Variants in SPIDR observed in about 807,000 individuals in gnomAD.
SPIDR encodes the protein DNA repair-scaffolding protein.
Under a neutral mutation model 104.6 loss-of-function variants are expected in SPIDR, and 93 were observed. That is an observed-to-expected ratio of 0.89 (90% confidence interval 0.75 to 1.06). The LOEUF (loss-of-function observed/expected upper bound fraction) is 1.06. Ranked by LOEUF, SPIDR falls within the 50% of genes least tolerant of loss-of-function variation. The pLI, the probability that SPIDR is intolerant of heterozygous loss-of-function variation, is 0.00. For synonymous variants in SPIDR, 431 were observed against 416.9 expected (o/e 1.03, Z -0.41); for missense variants, 1,154 against 1,111.2 (o/e 1.04, Z -0.55).
chr8:47,277,369 T>C (rs1164210971), intron 1 of SPIDR, among the ~76,000 whole-genome samples: 1 of 126,770 alleles, frequency 7.9e-6, no homozygotes, highest in Non-Finnish European at 1.7e-5. Context: ...TGTTATGTTA[T>C]GTTATGTTAT....
chr8:47,412,228 C>G (rs964293151), intron 7 of SPIDR, among the ~76,000 whole-genome samples: 1 of 152,170 alleles, frequency 6.6e-6, no homozygotes, highest in Admixed American at 6.6e-5. Context: ...GGCATTGAAT[C>G]TATAAATTAC....
chr8:47,268,482 T>A (rs1260385471), intron 1 of SPIDR, among the ~76,000 whole-genome samples: 1 of 152,238 alleles, frequency 6.6e-6, no homozygotes, highest in Non-Finnish European at 1.5e-5. Flanking sequence ...AGATCTTCTT[T>A]AATTTCTATC....
intron 15 of SPIDR, 78 bp downstream of exon 15, chr8:47,712,950 G>A (rs2082087672): frequency 6.3e-7 from 1 of 1,583,222 alleles, no homozygotes; most frequent in African/African-American, 1.3e-5. Flanking sequence ...GCCTCTGGAT[G>A]CCTCCTTGTT....
chr8:47,554,873 T>G (rs1164320237), intron 8 of SPIDR, among the ~76,000 whole-genome samples: 1 of 152,244 alleles, frequency 6.6e-6, no homozygotes, highest in African/African-American at 2.4e-5. Context: ...TCAGCCATCT[T>G]GGAACCTCCT....
At chr8:47,489,624 A>C (rs942851996) in intron 8 of SPIDR, among the ~76,000 whole-genome samples, 1 of 152,210 alleles carries the variant, frequency 6.6e-6, no homozygotes, top group East Asian at 1.9e-4. Context: ...ACAGTAACCA[A>C]AACAGCATGG....
At chr8:47,275,475 T>G (rs1320098107) in intron 1 of SPIDR, among the ~76,000 whole-genome samples, 2 of 152,246 alleles carry the variant, frequency 1.3e-5, no homozygotes, top group Admixed American at 1.3e-4. Context: ...AAGAATAATA[T>G]TTTCCATTCT....
intron 10 of SPIDR, among the ~76,000 whole-genome samples, chr8:47,638,579 G>A (rs889864587): frequency 6.6e-6 from 1 of 152,146 alleles, no homozygotes; most frequent in Non-Finnish European, 1.5e-5. Flanking sequence ...TATAGCCCCA[G>A]GAAAAGATCC....
At chr8:47,583,523 G>T (rs2059959392) in intron 8 of SPIDR, among the ~76,000 whole-genome samples, 2 of 152,114 alleles carry the variant, frequency 1.3e-5, no homozygotes, top group African/African-American at 4.8e-5. Context: ...TAACATTTGT[G>T]ACAATGAGAT....
chr8:47,388,321 A>G (rs782796748), intron 5 of SPIDR: 1 of 154,108 alleles, frequency 6.5e-6, no homozygotes, highest in Non-Finnish European at 1.5e-5. Context: ...ATATTTATTT[A>G]ATATTTTCTC....
intron 5 of SPIDR, among the ~76,000 whole-genome samples, chr8:47,329,145 A>G (rs538364168): frequency 1.3e-5 from 2 of 150,818 alleles, no homozygotes; most frequent in Non-Finnish European, 1.5e-5. Flanking sequence ...ATCTCAGCTC[A>G]CTGCAACCTC....
intron 8 of SPIDR, among the ~76,000 whole-genome samples, chr8:47,502,250 G>A (rs1306232957): frequency 1.3e-5 from 2 of 152,086 alleles, no homozygotes; most frequent in Non-Finnish European, 2.9e-5. Context: ...GATAGAATTC[G>A]GCTGTGAATC....
chr8:47,504,285 A>G (rs531406077), intron 8 of SPIDR, among the ~76,000 whole-genome samples: 15 of 152,180 alleles, frequency 9.9e-5, no homozygotes, highest in African/African-American at 3.6e-4. Context: ...TCAGACATAG[A>G]TTTGGTCTTT....
chr8:47,548,281 G>A (rs779145865), intron 8 of SPIDR, among the ~76,000 whole-genome samples: 3 of 152,194 alleles, frequency 2.0e-5, no homozygotes, highest in Non-Finnish European at 2.9e-5. Context: ...CATATGCAGT[G>A]ATTAAGTCTG....
At chr8:47,674,411 T>G (rs1044027247) in intron 11 of SPIDR, among the ~76,000 whole-genome samples, 5 of 152,204 alleles carry the variant, frequency 3.3e-5, no homozygotes, top group Non-Finnish European at 7.3e-5. Flanking sequence ...CCTAAAATGT[T>G]GTTTTTGATA....
chr8:47,690,981 A>G (rs1167169012), intron 11 of SPIDR, among the ~76,000 whole-genome samples: 2 of 152,094 alleles, frequency 1.3e-5, no homozygotes, highest in Non-Finnish European at 2.9e-5. Context: ...AGTTTCTCCA[A>G]CTAGCTACAA....
intron 10 of SPIDR, 54 bp downstream of exon 10, chr8:47,599,250 T>C: frequency 1.3e-6 from 2 of 1,591,366 alleles, no homozygotes; most frequent in Non-Finnish European, 1.7e-6. Flanking sequence ...TTAGACAGAG[T>C]GCTCTAGAAA....
chr8:47,517,238 G>A lies in SPIDR; in HGVS notation c.1097+76696G>A, dbSNP rs767824577. Among the ~76,000 whole-genome samples the A allele has an allele frequency of 4.6e-5, 7 of 152,112 alleles. No individual in the cohort carries two copies. The East Asian group carries it at 5.8e-4, about 13-fold the overall frequency. On this transcript the variant is annotated intron_variant, in intron 8 of 19. Coordinates refer to ENST00000297423, the MANE Select transcript of SPIDR (RefSeq NM_001080394.4). ...TGACCTCAAGTGATCAACCCGTCTC[G>A]ACCTCCCAAAGTTCTAGGATGACAG...
At chr8:47,325,665 TC>T (rs2047532749) in intron 5 of SPIDR, among the ~76,000 whole-genome samples, 1 of 152,198 alleles carries the variant, frequency 6.6e-6, no homozygotes, top group African/African-American at 2.4e-5. Flanking sequence ...AGACAATCTA[TC>T]CCTTTTTCTG....
intron 10 of SPIDR, among the ~76,000 whole-genome samples, chr8:47,615,875 G>A (rs1206037473): frequency 6.6e-6 from 1 of 151,790 alleles, no homozygotes; most frequent in Admixed American, 6.6e-5. Context: ...GAAATGTTTT[G>A]GAGTTTTCAT....
Sources: allele counts gnomAD v4.1 joint callset (sites outside exome capture counted in the v4.1 genomes callset), GRCh38; gene constraint gnomAD v4.1.1; transcripts MANE v1.5; gene names NCBI Gene and HGNC (gene_info 2026-07-23, HGNC 2026-07-21).